The following RNF150 variants were observed in gnomAD, a reference collection of about 807,000 sequenced individuals.
The protein encoded by RNF150 is ring finger protein 150.
Under a neutral mutation model 39.3 loss-of-function variants are expected in RNF150, and 24 were observed. The observed-to-expected ratio is 0.61, with a 90% CI of 0.44 to 0.86. RNF150 has a LOEUF of 0.86. Among genes scored for constraint, RNF150 ranks in the 40% least tolerant of loss-of-function variants. The probability of loss-of-function intolerance (pLI) is 0.00; values close to 1 mark genes in which losing one functional copy is unlikely to be tolerated. For missense variants in RNF150, 502 were observed against 587.8 expected, an observed-to-expected ratio of 0.85 and a Z score of 1.51; for synonymous variants, 255 against 227.3, an observed-to-expected ratio of 1.12 and a Z score of -1.10.
chr4:140,874,253 G>T (rs904047383), intron 6 of RNF150, among the ~76,000 whole-genome samples: 3 of 152,074 alleles, frequency 2.0e-5, no homozygotes, highest in African/African-American at 7.2e-5. Context: ...TATGATTGTC[G>T]ATAACAGTGG....
At chr4:141,160,209 A>G (rs1578773195) in intron 1 of RNF150, among the ~76,000 whole-genome samples, 1 of 152,242 alleles carries the variant, frequency 6.6e-6, no homozygotes, top group South Asian at 2.1e-4. Flanking sequence ...TTAACATACC[A>G]TAAGATAAGG....
intron 2 of RNF150, among the ~76,000 whole-genome samples, chr4:140,954,672 A>G (rs1384517015): frequency 6.6e-6 from 1 of 152,252 alleles, no homozygotes; most frequent in Non-Finnish European, 1.5e-5. Context: ...AGAGCCATGT[A>G]TTAAAATAAT....
chr4:140,963,394 A>T (rs537246060), intron 2 of RNF150, among the ~76,000 whole-genome samples: 6 of 151,950 alleles, frequency 3.9e-5, no homozygotes, highest in Non-Finnish European at 8.8e-5. Flanking sequence ...TAGTGATAAA[A>T]ATGTCCTATA....
chr4:141,098,176 C>T (rs189200598), intron 1 of RNF150, among the ~76,000 whole-genome samples: 36 of 152,344 alleles, frequency 2.4e-4, no homozygotes, highest in Non-Finnish European at 3.1e-4. Flanking sequence ...TCTTCCCAGA[C>T]AGCACTTACT....
intron 4 of RNF150, among the ~76,000 whole-genome samples, chr4:140,932,821 C>T (rs1307404450): frequency 6.6e-6 from 1 of 152,178 alleles, no homozygotes; most frequent in Non-Finnish European, 1.5e-5. Flanking sequence ...TGACAGATTT[C>T]ACTTCAGGTC....
At chr4:140,916,067 A>G (rs1027161204) in intron 5 of RNF150, among the ~76,000 whole-genome samples, 1 of 152,228 alleles carries the variant, frequency 6.6e-6, no homozygotes, top group Non-Finnish European at 1.5e-5. Context: ...TCAAAGACCA[A>G]AGGTAGATAA....
intron 1 of RNF150, among the ~76,000 whole-genome samples, chr4:140,981,526 A>G (rs1189221224): frequency 2.0e-5 from 3 of 152,158 alleles, no homozygotes; most frequent in Admixed American, 6.5e-5. Context: ...TATGCTACCA[A>G]AAAGCAATAA....
chr4:141,067,101 T>C (rs750943923), intron 1 of RNF150, among the ~76,000 whole-genome samples: 1 of 152,186 alleles, frequency 6.6e-6, no homozygotes, highest in Non-Finnish European at 1.5e-5. Context: ...ACCACTGTCA[T>C]ATATGTGGTC....
At chr4:140,902,644 T>C (rs114126689) in intron 6 of RNF150, among the ~76,000 whole-genome samples, 1 of 152,236 alleles carries the variant, frequency 6.6e-6, no homozygotes, top group Non-Finnish European at 1.5e-5. Flanking sequence ...TTAAATAACA[T>C]GCTATCATAG....
In RNF150 at chr4:141,132,377, G is replaced by T; in HGVS notation, c.432C>A (p.Val144=). The part of the protein sequence containing the change: ...NAFLQNASAV[V]IFNVGSNTNE... Reference sequence around the variant, plus strand: ...TGGTGTTGGAGCCCACGTTGAAGATGACCACGGCTGAGGCGTTCTGCAGGA... The same window carrying T: ...TGGTGTTGGAGCCCACGTTGAAGATTACCACGGCTGAGGCGTTCTGCAGGA... Residue 144 remains valine (V), a synonymous_variant, in exon 1 of 7, where the codon GTC becomes GTA. Coordinates refer to ENST00000515673, the MANE Select transcript of RNF150 (RefSeq NM_020724.2). This position sits in a 1 kb window ranked among gnomAD's most constrained non-coding sequence, Gnocchi z 4.9. The T allele has an allele frequency of 6.3e-7, 1 of 1,599,698 alleles. No individual in the cohort carries two copies. The highest frequency in any genetic ancestry group is 2.3e-5 in the East Asian group (1 of 44,310).
chr4:141,112,441 C>A (rs1017716798), intron 1 of RNF150, among the ~76,000 whole-genome samples: 2 of 152,286 alleles, frequency 1.3e-5, no homozygotes, highest in African/African-American at 4.8e-5. Context: ...AATCTCTCAG[C>A]ATTTGCTTGT....
chr4:140,935,046 A>AAATATATATATATTATATATTTATAATAT (rs1553993278), intron 4 of RNF150, among the ~76,000 whole-genome samples: 1 of 93,688 alleles, frequency 1.1e-5, no homozygotes, highest in African/African-American at 5.0e-5. Flanking sequence ...TATATATATA[A>AAATATATATATATTATATATTTATAATAT]ATATATATAT....
chr4:140,906,939 G>T (rs1730400255), intron 6 of RNF150, among the ~76,000 whole-genome samples: 15 of 152,124 alleles, frequency 9.9e-5, no homozygotes, highest in Admixed American at 9.8e-4. Context: ...CAATCTCCTT[G>T]AAAAATCACA....
At chr4:141,190,952 A>C (rs1366959877) in intron 1 of RNF150, among the ~76,000 whole-genome samples, 1 of 152,208 alleles carries the variant, frequency 6.6e-6, no homozygotes, top group Non-Finnish European at 1.5e-5. Context: ...TTCTCATTTC[A>C]TGTAAGTATT....
intron 2 of RNF150, among the ~76,000 whole-genome samples, chr4:140,954,969 T>C (rs1732694282): frequency 6.6e-6 from 1 of 152,244 alleles, no homozygotes; most frequent in Non-Finnish European, 1.5e-5. Flanking sequence ...TATTTTATGA[T>C]CATGTTCATT....
At chr4:141,203,828 T>C (rs1728331728) in intron 1 of RNF150, among the ~76,000 whole-genome samples, 1 of 151,596 alleles carries the variant, frequency 6.6e-6, no homozygotes, top group South Asian at 2.1e-4. Context: ...TGGCTTTTGG[T>C]AAGGAGAGTA....
rs1728956119 is a variant in RNF150, at chr4:140,871,778, T to A, written c.1199-3399A>T. 2.0e-5 allele frequency among the ~76,000 whole-genome samples: 3 copies of A among 152,340 alleles called. No homozygotes were observed. The South Asian group carries it at 6.2e-4, about 32-fold the overall frequency. On this transcript the variant is annotated intron_variant, in intron 6 of 6. Coordinates refer to ENST00000515673, the MANE Select transcript of RNF150 (RefSeq NM_020724.2). The stretch of plus-strand genomic sequence containing the variant: ...AGCCTCAGCAGATTCCATAGATTCA[T>A]TCACACCTTGGTTTTTTCTAAATGG...
At chr4:141,017,868 T>C (rs924295211) in intron 1 of RNF150, among the ~76,000 whole-genome samples, 5 of 152,200 alleles carry the variant, frequency 3.3e-5, no homozygotes, top group Non-Finnish European at 7.4e-5. Context: ...TTCCCTTGGT[T>C]ATATGTACCA....
At chr4:141,144,134 C>T (rs1461074637) in intron 1 of RNF150, among the ~76,000 whole-genome samples, 1 of 151,510 alleles carries the variant, frequency 6.6e-6, no homozygotes. Context: ...AAAAAACCCA[C>T]AAAACTTTTA....
Sources: allele counts gnomAD v4.1 joint callset (sites outside exome capture counted in the v4.1 genomes callset), GRCh38; gene constraint gnomAD v4.1.1; non-coding constraint Gnocchi (gnomAD v3.1); transcripts MANE v1.5; gene names NCBI Gene and HGNC (gene_info 2026-07-23, HGNC 2026-07-21).